Variants in SPMIP4 observed in about 807,000 individuals in gnomAD.
SPMIP4 encodes the protein sperm-associated microtubule inner protein 4.
the SPMIP4 span, among the ~76,000 whole-genome samples, chr7:25,158,865 A>T: frequency 3.3e-5 from 5 of 151,600 alleles, no homozygotes; most frequent in Middle Eastern, 3.4e-3. Context: ...AAAAAAAAAA[A>T]AAATAATAAT....
At chr7:25,149,844 G>A in the SPMIP4 span, among the ~76,000 whole-genome samples, 9 of 152,286 alleles carry the variant, frequency 5.9e-5, no homozygotes. Flanking sequence ...ACCCAGATAC[G>A]TTTTATGAAT....
chr7:25,153,444 T>A, the SPMIP4 span, among the ~76,000 whole-genome samples: 1 of 151,740 alleles, frequency 6.6e-6, no homozygotes, highest in African/African-American at 2.4e-5. Flanking sequence ...TGGTGGCACG[T>A]GCCTATAGTC....
At chr7:25,141,486 C>T in the SPMIP4 span, among the ~76,000 whole-genome samples, 4 of 147,446 alleles carry the variant, frequency 2.7e-5, no homozygotes, top group Non-Finnish European at 5.9e-5. Context: ...GCATGAGAAT[C>T]GCTTGAACCA....
chr7:25,128,310 A>G, the SPMIP4 span, among the ~76,000 whole-genome samples: 1 of 152,228 alleles, frequency 6.6e-6, no homozygotes, highest in African/African-American at 2.4e-5. The surrounding 1 kb of genome is among the most constrained non-coding windows in gnomAD (Gnocchi z 4.5). Flanking sequence ...ATCTTCAAGT[A>G]GGTCCAGAGA....
At chr7:25,173,133 G>C in the SPMIP4 span, among the ~76,000 whole-genome samples, 3 of 152,064 alleles carry the variant, frequency 2.0e-5, no homozygotes, top group Non-Finnish European at 4.4e-5. The surrounding 1 kb of genome is among the most constrained non-coding windows in gnomAD (Gnocchi z 4.4). Context: ...CAGGAAGAGA[G>C]AGAGAGGGAA....
At chr7:25,167,810 GCTTT>G in the SPMIP4 span, among the ~76,000 whole-genome samples, 21 of 151,992 alleles carry the variant, frequency 1.4e-4, no homozygotes, top group Admixed American at 1.4e-3. Flanking sequence ...ATTTTTTTCT[GCTTT>G]CTGTTGAATT....
At chr7:25,157,499 A>G in the SPMIP4 span, among the ~76,000 whole-genome samples, 1 of 152,170 alleles carries the variant, frequency 6.6e-6, no homozygotes, top group African/African-American at 2.4e-5. Flanking sequence ...AGATCATGCC[A>G]ACGGCATGTA....
At chr7:25,178,142 G>A in the SPMIP4 span, among the ~76,000 whole-genome samples, 161 of 152,232 alleles carry the variant, frequency 1.1e-3, no homozygotes, top group African/African-American at 3.8e-3. Flanking sequence ...ACATGATCTC[G>A]TTTTTTTATG....
chr7:25,168,357 C>G, the SPMIP4 span: 2 of 1,613,320 alleles, frequency 1.2e-6, no homozygotes, highest in Non-Finnish European at 1.7e-6. Context: ...GAGGCTCATA[C>G]TTTGGCCTGT....
chr7:25,177,201 T>TAA, the SPMIP4 span, among the ~76,000 whole-genome samples: 1 of 152,234 alleles, frequency 6.6e-6, no homozygotes, highest in Non-Finnish European at 1.5e-5. Flanking sequence ...TGAGGCTGGG[T>TAA]GACTTCCCGT....
the SPMIP4 span, among the ~76,000 whole-genome samples, chr7:25,157,086 G>A: frequency 6.6e-6 from 1 of 152,106 alleles, no homozygotes; most frequent in Admixed American, 6.6e-5. Context: ...AAAACCCCAC[G>A]ATGATGGGGA....
the SPMIP4 span, among the ~76,000 whole-genome samples, chr7:25,152,395 C>G: frequency 6.6e-6 from 1 of 152,188 alleles, no homozygotes; most frequent in Admixed American, 6.5e-5. Flanking sequence ...AAAGAATGTT[C>G]TGAACACCCA....
the SPMIP4 span, among the ~76,000 whole-genome samples, chr7:25,176,025 A>C: frequency 6.6e-6 from 1 of 152,244 alleles, no homozygotes. This position sits in a 1 kb window ranked among gnomAD's most constrained non-coding sequence, Gnocchi z 4.4. Context: ...AGGGAAAGCA[A>C]GTTGTAGTTA....
chr7:25,145,932 T>TTG, the SPMIP4 span, among the ~76,000 whole-genome samples: 17 of 152,042 alleles, frequency 1.1e-4, no homozygotes, highest in African/African-American at 4.1e-4. Context: ...TAGTTTTTTT[T>TTG]TTTGTTTTAT....
At chr7:25,141,668 T>A in the SPMIP4 span, among the ~76,000 whole-genome samples, 1 of 151,804 alleles carries the variant, frequency 6.6e-6, no homozygotes, top group Non-Finnish European at 1.5e-5. Context: ...CTGCTTCTTT[T>A]GTAAGTTATT....
At chr7:25,158,620 C>A in the SPMIP4 span, 1 of 1,068,594 alleles carries the variant, frequency 9.4e-7, no homozygotes, top group Non-Finnish European at 1.4e-6. Context: ...ATGATATAGG[C>A]TGGGCATGGT....
At chr7:25,155,216 A>G in the SPMIP4 span, 6 of 1,490,150 alleles carry the variant, frequency 4.0e-6, no homozygotes, top group African/African-American at 5.7e-5. Context: ...AGGAAACAAA[A>G]CAAAATGAAA....
chr7:25,160,374 C>T, the SPMIP4 span, among the ~76,000 whole-genome samples: 1 of 149,616 alleles, frequency 6.7e-6, no homozygotes, highest in African/African-American at 2.4e-5. Flanking sequence ...TCTCGGCTCA[C>T]TGCAACCTCC....
At chr7:25,138,280 C>A in the SPMIP4 span, among the ~76,000 whole-genome samples, 2 of 152,210 alleles carry the variant, frequency 1.3e-5, no homozygotes, top group Non-Finnish European at 2.9e-5. The surrounding 1 kb of genome is among the most constrained non-coding windows in gnomAD (Gnocchi z 6.2). Context: ...GTAATAAGCT[C>A]ATAATTTAGT....
Sources: allele counts gnomAD v4.1 joint callset (sites outside exome capture counted in the v4.1 genomes callset), GRCh38; gene constraint gnomAD v4.1.1; non-coding constraint Gnocchi (gnomAD v3.1); transcripts MANE v1.5; gene names NCBI Gene and HGNC (gene_info 2026-07-23, HGNC 2026-07-21).